The following CTNNA3 variants were observed in gnomAD, a reference collection of about 807,000 sequenced individuals.
CTNNA3 encodes catenin alpha-3.
A neutral mutation model predicts 95.7 loss-of-function variants in CTNNA3; 76 were observed. The ratio of observed to expected loss-of-function variants is 0.79; its 90% confidence interval spans 0.66 to 0.96. The LOEUF is 0.96. Ranked by LOEUF, CTNNA3 falls within the 40% of genes least tolerant of loss-of-function variation. The probability of loss-of-function intolerance (pLI) is 0.00; values close to 1 mark genes in which losing one functional copy is unlikely to be tolerated. For synonymous variants in CTNNA3, 431 were observed against 374.4 expected (o/e 1.15, Z -1.74); for missense variants, 1,191 against 1,089.8 (o/e 1.09, Z -1.31).
At chr10:66,690,571 C>A (rs1454242383) in intron 9 of CTNNA3, among the ~76,000 whole-genome samples, 19 of 150,878 alleles carry the variant, frequency 1.3e-4, no homozygotes, top group African/African-American at 2.9e-4. Flanking sequence ...TGAGAATATG[C>A]GGTGTTTGGT....
At chr10:67,622,389 A>T (rs1195493082) in intron 2 of CTNNA3, among the ~76,000 whole-genome samples, 1 of 152,210 alleles carries the variant, frequency 6.6e-6, no homozygotes, top group Non-Finnish European at 1.5e-5. Flanking sequence ...ATGAGCTGTG[A>T]TTGAAAGATA....
chr10:66,107,064 T>C (rs2081942840), intron 13 of CTNNA3, among the ~76,000 whole-genome samples: 1 of 152,172 alleles, frequency 6.6e-6, no homozygotes, highest in Non-Finnish European at 1.5e-5. Context: ...AATTATCTCT[T>C]AAACTGGCCT....
At chr10:66,037,662 G>A (rs1289942298) in intron 15 of CTNNA3, among the ~76,000 whole-genome samples, 2 of 61,890 alleles carry the variant, frequency 3.2e-5, no homozygotes, top group African/African-American at 8.6e-5. Flanking sequence ...TAGCAAAGTG[G>A]ATTCCAGTAC....
intron 12 of CTNNA3, among the ~76,000 whole-genome samples, chr10:66,282,778 T>C (rs1221899177): frequency 6.6e-6 from 1 of 151,914 alleles, no homozygotes; most frequent in Non-Finnish European, 1.5e-5. Flanking sequence ...TATGAACACA[T>C]CATGTTAATA....
intron 1 of CTNNA3, among the ~76,000 whole-genome samples, chr10:67,686,791 G>T (rs1427560945): frequency 6.6e-6 from 1 of 152,076 alleles, no homozygotes; most frequent in Non-Finnish European, 1.5e-5. Context: ...AGCTATTCCT[G>T]CTCTCTTTGT....
chr10:65,954,312 A>G (rs573502359), intron 17 of CTNNA3, among the ~76,000 whole-genome samples: 3 of 152,296 alleles, frequency 2.0e-5, no homozygotes, highest in South Asian at 4.1e-4. Flanking sequence ...GTAGATTGCA[A>G]AAATTTTCTC....
At chr10:66,360,907 C>G (rs10997084) in intron 12 of CTNNA3, among the ~76,000 whole-genome samples, 47,674 of 132,076 alleles carry the variant, frequency 0.36, 10,032 homozygotes, top group Non-Finnish European at 0.47. Context: ...CTTTCTCTCT[C>G]TCTCTCTCTT....
chr10:66,848,034 A>G (rs185814568), intron 7 of CTNNA3, among the ~76,000 whole-genome samples: 2 of 152,268 alleles, frequency 1.3e-5, no homozygotes, highest in Non-Finnish European at 2.9e-5. Flanking sequence ...GTGTAGGATG[A>G]ACATGCTATA....
At chr10:66,550,820 T>C (rs1280829355) in intron 10 of CTNNA3, among the ~76,000 whole-genome samples, 1 of 152,152 alleles carries the variant, frequency 6.6e-6, no homozygotes, top group Non-Finnish European at 1.5e-5. Flanking sequence ...TCTGATTTTT[T>C]TTTCAGTTTG....
At chr10:66,038,489 A>T (rs530314502) in intron 15 of CTNNA3, among the ~76,000 whole-genome samples, 1 of 152,216 alleles carries the variant, frequency 6.6e-6, no homozygotes, top group Non-Finnish European at 1.5e-5. Flanking sequence ...TGAAAAAAAA[A>T]TTTGAGCATT....
chr10:67,712,828 A>G (rs1242878502), intron 1 of CTNNA3, among the ~76,000 whole-genome samples: 2 of 152,248 alleles, frequency 1.3e-5, no homozygotes, highest in Non-Finnish European at 2.9e-5. Flanking sequence ...AACCATAAAA[A>G]TCCTAGAAAA....
At chr10:67,730,176 A>G (rs1192520065) in intron 1 of CTNNA3, among the ~76,000 whole-genome samples, 1 of 152,138 alleles carries the variant, frequency 6.6e-6, no homozygotes, top group African/African-American at 2.4e-5. Flanking sequence ...GGAAAATCTT[A>G]GAAATTTCTA....
At chr10:67,024,745 AC>A (rs1168303082) in intron 7 of CTNNA3, among the ~76,000 whole-genome samples, 1 of 152,246 alleles carries the variant, frequency 6.6e-6, no homozygotes, top group East Asian at 1.9e-4. Flanking sequence ...TTCAGAGCCT[AC>A]TAAACATTCT....
At chr10:67,444,454 C>T (rs1453818163) in intron 5 of CTNNA3, among the ~76,000 whole-genome samples, 1 of 151,812 alleles carries the variant, frequency 6.6e-6, no homozygotes, top group Non-Finnish European at 1.5e-5. Flanking sequence ...AGAAAAACTT[C>T]AAATAAATAA....
At chr10:67,049,572 A>C (rs1362778931) in intron 7 of CTNNA3, among the ~76,000 whole-genome samples, 1 of 152,192 alleles carries the variant, frequency 6.6e-6, no homozygotes, top group Non-Finnish European at 1.5e-5. Context: ...TTATTTCACA[A>C]GGTTGCTTTG....
intron 5 of CTNNA3, among the ~76,000 whole-genome samples, chr10:67,341,128 C>G (rs890582568): frequency 2.0e-5 from 3 of 152,068 alleles, no homozygotes; most frequent in African/African-American, 7.2e-5. Flanking sequence ...GCATGGAAAG[C>G]ATAATAATCA....
intron 12 of CTNNA3, among the ~76,000 whole-genome samples, chr10:66,359,231 T>A (rs2092635119): frequency 6.6e-6 from 1 of 151,448 alleles, no homozygotes; most frequent in Non-Finnish European, 1.5e-5. Context: ...CACAGGTAAA[T>A]GTTGATAGAT....
intron 7 of CTNNA3, among the ~76,000 whole-genome samples, chr10:66,827,916 G>A (rs1489580498): frequency 6.6e-6 from 1 of 152,172 alleles, no homozygotes; most frequent in Non-Finnish European, 1.5e-5. Flanking sequence ...AGATGAAACC[G>A]AGATGATATA....
chr10:66,667,091 CT>C (rs1846479310), intron 9 of CTNNA3, among the ~76,000 whole-genome samples: 1 of 152,116 alleles, frequency 6.6e-6, no homozygotes, highest in Non-Finnish European at 1.5e-5. Flanking sequence ...AACTATCTAT[CT>C]AACCTACTTG....
Sources: gnomAD v4.1 joint callset for allele counts (sites outside exome capture counted in the v4.1 genomes callset) on GRCh38, gnomAD v4.1.1 for gene constraint, MANE v1.5 for transcripts, NCBI Gene and HGNC (gene_info 2026-07-23, HGNC 2026-07-21) for gene names.